PDE4D: variants seen among roughly 807,000 people sequenced by gnomAD.
PDE4D encodes the protein 3',5'-cyclic-AMP phosphodiesterase 4D.
In PDE4D, 24 loss-of-function variants were observed where a neutral mutation model predicts 87.4. The observed-to-expected ratio is 0.27, with a 90% CI of 0.20 to 0.39. The LOEUF (loss-of-function observed/expected upper bound fraction) is 0.39. Among genes scored for constraint, PDE4D ranks in the 10% least tolerant of loss-of-function variants. The probability of loss-of-function intolerance (pLI) is 1.00; values close to 1 mark genes in which losing one functional copy is unlikely to be tolerated. For missense variants in PDE4D, 714 were observed against 1,041.0 expected, an observed-to-expected ratio of 0.69 and a Z score of 4.32; for synonymous variants, 384 against 383.2, an observed-to-expected ratio of 1.00 and a Z score of -0.02.
Position 60,142,082 on chromosome 5 carries a change from C to T in PDE4D, c.42+43475G>A, listed in dbSNP as rs879613159. Among the ~76,000 whole-genome samples the T allele has an allele frequency of 6.6e-4, 100 of 152,054 alleles. 1 individual carries two copies. The highest frequency in any genetic ancestry group is 1.1e-3 in the Non-Finnish European group (74 of 68,026). On this transcript the variant is annotated intron_variant, in intron 2 of 16. Coordinates refer to the PDE4D transcript ENST00000502484. ...CATGTACCTTTACATTGAGTACCTA[C>T]ACATGCAAAGCATTAGCCTAGAAAC... is the stretch of plus-strand genomic sequence containing the variant.
intron 3 of PDE4D, among the ~76,000 whole-genome samples, chr5:59,975,916 T>A (rs1761275003): frequency 6.6e-6 from 1 of 152,220 alleles, no homozygotes; most frequent in South Asian, 2.1e-4. Context: ...TGCTCCCCAG[T>A]GAGATTTCAT....
At chr5:59,172,643 G>C (rs976984448) in intron 5 of PDE4D, among the ~76,000 whole-genome samples, 1 of 151,608 alleles carries the variant, frequency 6.6e-6, no homozygotes, top group African/African-American at 2.4e-5. Flanking sequence ...GGGAGGCGGA[G>C]GTTGCAATGA....
At chr5:59,914,866 G>GGTGTGTGTGTGTGTGTGTGTGTGT (rs3062699) in intron 3 of PDE4D, among the ~76,000 whole-genome samples, 5 of 122,540 alleles carry the variant, frequency 4.1e-5, no homozygotes, top group Non-Finnish European at 6.7e-5. Context: ...TACTGATAGG[G>GGTGTGTGTGTGTGTGTGTGTGTGT]GTGTGTGTGT....
At chr5:60,040,536 G>T (rs1768356313) in intron 2 of PDE4D, among the ~76,000 whole-genome samples, 2 of 152,000 alleles carry the variant, frequency 1.3e-5, no homozygotes, top group Non-Finnish European at 2.9e-5. Flanking sequence ...TTTCATTTTG[G>T]TTATATACAA....
At chr5:59,520,418 C>A (rs1276779263) in intron 1 of PDE4D, among the ~76,000 whole-genome samples, 1 of 152,040 alleles carries the variant, frequency 6.6e-6, no homozygotes. Context: ...AAAGTTGGTG[C>A]GACTGAATTT....
At position 60,205,251 on chromosome 5, in the gene PDE4D, G is replaced by A. The variant is rs529192921; in HGVS notation, c.-89-19564C>T. ...AGGCTCTGTCTTCCTGTGATGGGCC[G>A]GCCCATGGGGTGCCACCTGTGAGAC... On this transcript the variant is annotated intron_variant, in intron 1 of 16. Transcript: ENST00000502484. Among the ~76,000 whole-genome samples, 34 of 152,252 alleles carry A rather than the reference G, an allele frequency of 2.2e-4. 1 individual carries two copies. The highest frequency in any genetic ancestry group is 9.7e-4 in the East Asian group (5 of 5,170).
intron 2 of PDE4D, among the ~76,000 whole-genome samples, chr5:60,042,047 G>A (rs754316462): frequency 6.6e-6 from 1 of 152,150 alleles, no homozygotes; most frequent in African/African-American, 2.4e-5. Context: ...AGCAAGCTAA[G>A]ATCCACTAGT....
chr5:59,567,744 C>A (rs1821183135), intron 1 of PDE4D, among the ~76,000 whole-genome samples: 1 of 152,056 alleles, frequency 6.6e-6, no homozygotes, highest in Non-Finnish European at 1.5e-5. Flanking sequence ...ATTAAGTAAG[C>A]AAATGATGGA....
intron 1 of PDE4D, among the ~76,000 whole-genome samples, chr5:59,252,139 A>G (rs1277065109): frequency 1.3e-5 from 2 of 152,172 alleles, no homozygotes; most frequent in East Asian, 1.9e-4. Flanking sequence ...GTCTACCCAT[A>G]TAACAAACCT....
At chr5:60,094,479 A>T (rs1390837343) in intron 2 of PDE4D, among the ~76,000 whole-genome samples, 1 of 148,868 alleles carries the variant, frequency 6.7e-6, no homozygotes, top group East Asian at 2.0e-4. Context: ...ATCCTCACCC[A>T]CCCCCAGTAC....
intron 1 of PDE4D, among the ~76,000 whole-genome samples, chr5:59,424,917 G>A (rs1157203218): frequency 6.6e-6 from 1 of 152,166 alleles, no homozygotes; most frequent in Non-Finnish European, 1.5e-5. Flanking sequence ...ATATATGTAA[G>A]TGTATGTGTA....
At chr5:60,031,116 T>C (rs1266731605) in intron 2 of PDE4D, 1 of 152,240 alleles carries the variant, frequency 6.6e-6, no homozygotes, top group African/African-American at 2.4e-5. Context: ...TGAAAGAATA[T>C]TTTCTGTTAG....
At chr5:59,400,199 GA>G in intron 1 of PDE4D, among the ~76,000 whole-genome samples, 1 of 90,974 alleles carries the variant, frequency 1.1e-5, no homozygotes, top group East Asian at 3.6e-4. Flanking sequence ...TCTAGAACTA[GA>G]AATACCATTT....
intron 1 of PDE4D, among the ~76,000 whole-genome samples, chr5:59,845,253 C>T (rs1743658585): frequency 6.6e-6 from 1 of 152,086 alleles, no homozygotes; most frequent in African/African-American, 2.4e-5. Context: ...TAGTTTCTGA[C>T]CCAGCAATAG....
intron 2 of PDE4D, among the ~76,000 whole-genome samples, chr5:60,083,739 G>T (rs1009925883): frequency 6.6e-6 from 1 of 152,170 alleles, no homozygotes; most frequent in Non-Finnish European, 1.5e-5. Flanking sequence ...TTCCCAAAAA[G>T]TTTCAAGATA....
At chr5:60,173,860 T>A (rs1783692458) in intron 2 of PDE4D, among the ~76,000 whole-genome samples, 1 of 152,116 alleles carries the variant, frequency 6.6e-6, no homozygotes, top group African/African-American at 2.4e-5. Context: ...AGATGAGGAC[T>A]CAGAAATATG....
rs1285370697 is a variant in PDE4D at position 58,975,377 on chromosome 5, C to A, written c.2013+280G>T. On this transcript the variant is annotated intron_variant, in intron 14 of 14. Coordinates refer to ENST00000340635, the MANE Select transcript of PDE4D (RefSeq NM_001104631.2). This position sits in a 1 kb window ranked among gnomAD's most constrained non-coding sequence, Gnocchi z 4.2. ...ACAATCACCAATTTGTAGGTGAATC[C>A]AGATAACTGAAATAATGCCATGTGC... is the stretch of plus-strand genomic sequence containing the variant. Among the ~76,000 whole-genome samples, 1 of 152,004 alleles carries A rather than the reference C, an allele frequency of 6.6e-6. No individual in the cohort carries two copies. Among genetic ancestry groups the A allele is most frequent in the Non-Finnish European group, 1.5e-5 (1 of 68,004 alleles).
intron 2 of PDE4D, among the ~76,000 whole-genome samples, chr5:60,114,357 C>A (rs1052848832): frequency 2.0e-5 from 3 of 152,038 alleles, no homozygotes; most frequent in East Asian, 1.9e-4. Context: ...GAAAAAAATT[C>A]TCTCACTTGT....
intron 3 of PDE4D, among the ~76,000 whole-genome samples, chr5:59,970,034 A>G (rs1001788802): frequency 3.9e-5 from 6 of 152,206 alleles, no homozygotes; most frequent in African/African-American, 1.2e-4. Context: ...CAAAAGTTAA[A>G]TGCAACTTTT....
Sources: allele counts gnomAD v4.1 joint callset (sites outside exome capture counted in the v4.1 genomes callset), GRCh38; gene constraint gnomAD v4.1.1; non-coding constraint Gnocchi (gnomAD v3.1); transcripts MANE v1.5; gene names NCBI Gene and HGNC (gene_info 2026-07-23, HGNC 2026-07-21).